Variants in ZPBP observed in about 807,000 individuals in gnomAD.
ZPBP encodes zona pellucida-binding protein 1.
Under a neutral mutation model 44.8 loss-of-function variants are expected in ZPBP, and 26 were observed. The observed-to-expected ratio is 0.58, with a 90% confidence interval of 0.43 to 0.81. The LOEUF is 0.81. Among genes scored for constraint, ZPBP ranks in the 30% least tolerant of loss-of-function variants. ZPBP has a pLI of 0.00. For synonymous variants in ZPBP, 174 were observed against 153.2 expected, an observed-to-expected ratio of 1.14 and a Z score of -1.00; for missense variants, 409 against 434.0, an observed-to-expected ratio of 0.94 and a Z score of 0.51.
At chr7:49,981,861 T>C (rs1181586564) in intron 7 of ZPBP, among the ~76,000 whole-genome samples, 3 of 36,460 alleles carry the variant, frequency 8.2e-5, no homozygotes, top group African/African-American at 1.2e-4. Flanking sequence ...ATATGAATTA[T>C]ATAGATTATA....
intron 2 of ZPBP, among the ~76,000 whole-genome samples, chr7:49,887,698 G>A (rs577011086): frequency 6.6e-5 from 10 of 152,174 alleles, no homozygotes; most frequent in Middle Eastern, 3.4e-3. Flanking sequence ...GGTTCATCCC[G>A]GGGCCCAGCT....
At chr7:50,039,810 T>G (rs1335182752) in intron 4 of ZPBP, among the ~76,000 whole-genome samples, 1 of 152,166 alleles carries the variant, frequency 6.6e-6, no homozygotes, top group Non-Finnish European at 1.5e-5. Context: ...TTGTTTAGTT[T>G]GTAACATTTA....
intron 1 of ZPBP, among the ~76,000 whole-genome samples, chr7:49,932,247 A>G (rs1172573128): frequency 6.6e-6 from 1 of 152,172 alleles, no homozygotes; most frequent in African/African-American, 2.4e-5. Context: ...GAATGGTAGA[A>G]CCACCAACAG....
intron 6 of ZPBP, among the ~76,000 whole-genome samples, chr7:50,004,980 G>T (rs2128796967): frequency 6.6e-6 from 1 of 150,914 alleles, no homozygotes; most frequent in South Asian, 2.1e-4. Flanking sequence ...ATAATTTAAA[G>T]ATACGATATA....
At chr7:49,993,462 T>C (rs796291605) in intron 6 of ZPBP, among the ~76,000 whole-genome samples, 7 of 152,224 alleles carry the variant, frequency 4.6e-5, no homozygotes, top group African/African-American at 1.7e-4. Flanking sequence ...ACATTCCAAT[T>C]AAAATGAACC....
intron 2 of ZPBP, among the ~76,000 whole-genome samples, chr7:49,850,760 C>T (rs142283704): frequency 6.6e-6 from 1 of 152,346 alleles, no homozygotes; most frequent in East Asian, 1.9e-4. Context: ...TTACTTCACC[C>T]TGCATAACTC....
At chr7:49,986,040 C>T (rs566145234) in intron 6 of ZPBP, among the ~76,000 whole-genome samples, 2 of 152,066 alleles carry the variant, frequency 1.3e-5, no homozygotes, top group African/African-American at 4.8e-5. Context: ...GTCCATGCAC[C>T]TAATTTTTCC....
At chr7:49,948,595 G>A (rs941793638) in intron 7 of ZPBP, among the ~76,000 whole-genome samples, 3 of 151,964 alleles carry the variant, frequency 2.0e-5, no homozygotes, top group African/African-American at 7.3e-5. Context: ...TACACAAATG[G>A]TCAATAAGTA....
chr7:49,869,648 T>A (rs2128722812), intron 2 of ZPBP, among the ~76,000 whole-genome samples: 1 of 152,210 alleles, frequency 6.6e-6, no homozygotes, highest in South Asian at 2.1e-4. Context: ...ACCAGAATAG[T>A]TAAAATTAAG....
At chr7:50,005,096 C>T (rs1345664953) in intron 6 of ZPBP, among the ~76,000 whole-genome samples, 1 of 149,014 alleles carries the variant, frequency 6.7e-6, no homozygotes, top group Non-Finnish European at 1.5e-5. Context: ...TTAGTGAAAC[C>T]ATGGAGGCCA....
At chr7:49,961,108 GGT>G in intron 7 of ZPBP, among the ~76,000 whole-genome samples, 1 of 152,226 alleles carries the variant, frequency 6.6e-6, no homozygotes, top group East Asian at 1.9e-4. Context: ...CACAGTCATA[GGT>G]ATTTTTCCAG....
Position 50,031,274 on chromosome 7 carries a change from G to A in ZPBP, c.524C>T (p.Ala175Val). The change falls in exon 5 of 8, where the codon GCT becomes GTT. Residue 175 changes from alanine (A) to valine (V), a missense_variant. This residue lies in a region of ZPBP where 367 missense variants were observed against 363.1 expected (regional missense o/e 1.01). Transcript: ENST00000046087. ...ATTGCAGGGAGCTGCATGATATCGA[G>A]CTGTGAACTGATAATAATAATGAGG... The part of the protein sequence containing the change: ...REPHYYYQFT[A>V]RYHAAPCNSI... 6.2e-7 allele frequency: 1 copy of A among 1,611,450 alleles called. No individual in the cohort carries two copies. The highest frequency in any genetic ancestry group is 8.5e-7 in the Non-Finnish European group (1 of 1,179,698).
At chr7:49,981,327 A>ATATT (rs1562819049) in intron 7 of ZPBP, among the ~76,000 whole-genome samples, 7 of 44,076 alleles carry the variant, frequency 1.6e-4, no homozygotes, top group South Asian at 1.5e-3. Context: ...TATAATATAT[A>ATATT]TTATAATTAT....
At chr7:49,892,468 G>C (rs11185592) in intron 2 of ZPBP, among the ~76,000 whole-genome samples, 112,098 of 152,164 alleles carry the variant, frequency 0.74, 41,497 homozygotes, top group East Asian at 0.89. Context: ...TGCTATACAG[G>C]GGTATATACA....
At chr7:49,902,874 ATAAAGGAACAGTACGTGGAACATAT>A (rs1792846590) in intron 1 of ZPBP, among the ~76,000 whole-genome samples, 1 of 152,172 alleles carries the variant, frequency 6.6e-6, no homozygotes, top group Non-Finnish European at 1.5e-5. Context: ...CACATGTCTG[ATAAAGGAACAGTACGTGGAACATAT>A]AAATAACACA....
At chr7:49,971,989 A>C (rs763629917) in intron 7 of ZPBP, among the ~76,000 whole-genome samples, 3 of 152,092 alleles carry the variant, frequency 2.0e-5, no homozygotes, top group Non-Finnish European at 4.4e-5. Context: ...AAAGGAAAAA[A>C]ACTACAAGCT....
chr7:50,058,254 G>GT (rs991866015), intron 3 of ZPBP, 113 bp from the exon 4 acceptor site: 10 of 1,125,892 alleles, frequency 8.9e-6, no homozygotes, highest in Admixed American at 3.6e-5. Flanking sequence ...AATGAAAGGA[G>GT]TGGGGGGCAT....
intron 2 of ZPBP, among the ~76,000 whole-genome samples, chr7:49,891,258 G>A (rs1326855566): frequency 2.0e-5 from 3 of 152,086 alleles, no homozygotes; most frequent in African/African-American, 7.2e-5. Flanking sequence ...CTTGAGACAA[G>A]CGATAAAAGC....
Position 49,973,195 on chromosome 7 carries a change from G to A in ZPBP, c.961+10147C>T, listed in dbSNP as rs554738946. ...CCTTGGATATGGTAACAAAACCATAGACAACAAAAGAAAAAATCTGGACTT... is the reference window on the plus strand; with the variant it reads ...CCTTGGATATGGTAACAAAACCATAAACAACAAAAGAAAAAATCTGGACTT... On this transcript the variant is annotated intron_variant, in intron 7 of 7. Transcript: ENST00000046087. Among the ~76,000 whole-genome samples, 3 of 151,520 alleles carry A rather than the reference G, an allele frequency of 2.0e-5. No homozygotes were observed. The South Asian group carries it at 6.3e-4, about 32-fold the overall frequency.
Sources: gnomAD v4.1 joint callset for allele counts (sites outside exome capture counted in the v4.1 genomes callset) on GRCh38, gnomAD v4.1.1 for gene constraint, gnomAD v4.1.1 regional missense constraint, MANE v1.5 for transcripts, NCBI Gene and HGNC (gene_info 2026-07-23, HGNC 2026-07-21) for gene names.